GRAMD4: variants seen among roughly 807,000 people sequenced by gnomAD.
GRAMD4 encodes GRAM domain-containing protein 4.
Under a neutral mutation model 83.9 loss-of-function variants are expected in GRAMD4, and 25 were observed. That is an observed-to-expected ratio of 0.30 (90% confidence interval 0.22 to 0.42). The LOEUF is 0.42. Among genes scored for constraint, GRAMD4 ranks in the 10% least tolerant of loss-of-function variants. The pLI is 1.00. For synonymous variants in GRAMD4, 336 were observed against 320.9 expected (o/e 1.05, Z -0.50); for missense variants, 593 against 788.7 (o/e 0.75, Z 2.97).
At chr22:46,644,714 T>G (rs1368387273) in intron 3 of GRAMD4, among the ~76,000 whole-genome samples, 6 of 64,224 alleles carry the variant, frequency 9.3e-5, no homozygotes, top group Middle Eastern at 8.9e-3. Flanking sequence ...TTTTTTTTTT[T>G]TTTTTTTTTT....
chr22:46,627,885 C>T (rs2081693579), intron 2 of GRAMD4, among the ~76,000 whole-genome samples: 1 of 152,272 alleles, frequency 6.6e-6, no homozygotes. Flanking sequence ...GGCATCACTA[C>T]AGACCACAGA....
chr22:46,626,043 G>T (rs1455022483), intron 1 of GRAMD4, among the ~76,000 whole-genome samples: 2 of 152,252 alleles, frequency 1.3e-5, no homozygotes, highest in Non-Finnish European at 2.9e-5. Flanking sequence ...CTGGGAGGTG[G>T]TGCGATCTGA....
At chr22:46,658,048 G>T (rs1159635963) in intron 3 of GRAMD4, 139 bp from the exon 4 acceptor site, 2 of 1,011,584 alleles carry the variant, frequency 2.0e-6, no homozygotes, top group African/African-American at 3.2e-5. Flanking sequence ...GCACCCTGGA[G>T]GAAGGTCAGG....
At chr22:46,603,577 C>T (rs1159226881) in intron 1 of GRAMD4, among the ~76,000 whole-genome samples, 102 of 133,530 alleles carry the variant, frequency 7.6e-4, no homozygotes, top group Middle Eastern at 5.2e-3. Context: ...AGTGCAGTGG[C>T]GCGATCCTGG....
chr22:46,650,554 G>T lies in GRAMD4; in HGVS notation c.284-7633G>T, dbSNP rs890911193. Reference sequence around the variant, plus strand: ...CGTGGCCGTTCACTCATCAGAGAACGTTCTGGGGGTTGCCCCGGAGTGACC... The same window carrying T: ...CGTGGCCGTTCACTCATCAGAGAACTTTCTGGGGGTTGCCCCGGAGTGACC... On this transcript the variant is annotated intron_variant, in intron 3 of 18. Transcript: ENST00000406902. 3.9e-5 allele frequency among the ~76,000 whole-genome samples: 6 copies of T among 152,350 alleles called. No homozygotes were observed. The South Asian group carries it at 1.2e-3, about 32-fold the overall frequency.
chr22:46,620,688 G>A lies in GRAMD4; in HGVS notation c.-50+123G>A, dbSNP rs2081561199. On this transcript the variant is annotated intron_variant, in intron 1 of 18. Transcript: ENST00000406902. The surrounding 1 kb of genome is among the most constrained non-coding windows in gnomAD (Gnocchi z 4.7). ...CCCAGCTACCACGTGCTCTTCTGGA[G>A]CCATCTTGATCTTGAAAGGCAGGCT... The A allele has an allele frequency of 4.3e-6, 1 of 229,966 alleles. No homozygotes were observed. The highest frequency in any genetic ancestry group is 7.2e-6 in the Non-Finnish European group (1 of 138,702). The allele number at this position is 229,966 out of a possible 1,614,324, so 14.2% of individuals were successfully genotyped here.
intron 15 of GRAMD4, 89 bp downstream of exon 15, chr22:46,673,903 G>A (rs529728151): frequency 1.0e-5 from 15 of 1,430,192 alleles, no homozygotes; most frequent in South Asian, 6.0e-5. Context: ...GGACGGGGTC[G>A]CCCTGTGACA....
intron 2 of GRAMD4, among the ~76,000 whole-genome samples, chr22:46,637,403 C>T (rs374914596): frequency 9.3e-4 from 141 of 152,228 alleles, no homozygotes; most frequent in African/African-American, 3.3e-3. Flanking sequence ...CAGGTGCCCG[C>T]CACTGCGCCT....
At chr22:46,673,973 C>T (rs1185750119) in intron 15 of GRAMD4, among the ~76,000 whole-genome samples, 159 bp downstream of exon 15, 1 of 152,198 alleles carries the variant, frequency 6.6e-6, no homozygotes, top group Non-Finnish European at 1.5e-5. Flanking sequence ...AGTGCAGGAG[C>T]CAGGGGTCAT....
chr22:46,595,640 G>A (rs1235609802), intron 1 of GRAMD4, among the ~76,000 whole-genome samples: 1 of 152,146 alleles, frequency 6.6e-6, no homozygotes, highest in South Asian at 2.1e-4. Context: ...CCCTCTGAGC[G>A]TCACCCCTCC....
At chr22:46,667,987 G>A in intron 10 of GRAMD4, 109 bp from the exon 11 acceptor site, 1 of 745,146 alleles carries the variant, frequency 1.3e-6, no homozygotes, top group Non-Finnish European at 2.3e-6. Context: ...CCCTGGCTGT[G>A]TGGGGACAGC....
At chr22:46,646,858 C>G (rs539100367) in intron 3 of GRAMD4, among the ~76,000 whole-genome samples, 2 of 152,294 alleles carry the variant, frequency 1.3e-5, no homozygotes, top group African/African-American at 4.8e-5. Flanking sequence ...GGAGGCCTCA[C>G]AATCATGGCG....
chr22:46,585,616 GGTGCTGGCCTCTTATCACCT>G (rs1476641880), intron 1 of GRAMD4, among the ~76,000 whole-genome samples: 1 of 152,246 alleles, frequency 6.6e-6, no homozygotes, highest in Non-Finnish European at 1.5e-5. Flanking sequence ...TCCCATGAGG[GGTGCTGGCCTCTTATCACCT>G]GTCCGGGGCA....
chr22:46,656,204 C>T (rs991094916), intron 3 of GRAMD4, among the ~76,000 whole-genome samples: 2 of 152,236 alleles, frequency 1.3e-5, no homozygotes, highest in African/African-American at 2.4e-5. Context: ...CTCCAGCACC[C>T]ACACTGGGCA....
rs780851458 is a variant in GRAMD4 at position 46,626,910 on chromosome 22, C to A, written c.111C>A (p.Pro37=). 1 of 1,614,182 alleles carries A rather than the reference C, an allele frequency of 6.2e-7. No individual in the cohort carries two copies. Among genetic ancestry groups the A allele is most frequent in the South Asian group, 1.1e-5 (1 of 91,082 alleles). The change falls in exon 2 of 19, where the codon CCC becomes CCA. Residue 37 remains proline (P), a synonymous_variant. Transcript: ENST00000406902. The part of the protein sequence containing the change: ...ASDTECSDEI[P]LKVPRTSPRD... ...ACACCGAATGCAGCGACGAAATCCC[C>A]CTGAAGGTACCGCGGACCTCGCCCC...
intron 3 of GRAMD4, among the ~76,000 whole-genome samples, chr22:46,641,766 C>T (rs1357712982): frequency 6.6e-6 from 1 of 152,158 alleles, no homozygotes; most frequent in African/African-American, 2.4e-5. Flanking sequence ...TTGCTCAGAG[C>T]CATCATTTCA....
At position 46,677,423 on chromosome 22, in the gene GRAMD4, G is replaced by T; in HGVS notation, c.*172G>T. On this transcript the variant is annotated 3_prime_UTR_variant, in exon 19 of 19. Coordinates refer to ENST00000406902, the MANE Select transcript of GRAMD4 (RefSeq NM_015124.5). ...CTCTGCGTTTTATCGACCAAGAAGG[G>T]GCCAGGGCTCACAGGGACGGGGGTG... 7.3e-7 allele frequency: 1 copy of T among 1,367,612 alleles called. No individual in the cohort carries two copies. Among genetic ancestry groups the T allele is most frequent in the South Asian group, 1.8e-5 (1 of 55,270 alleles). The allele number at this position is 1,367,612 out of a possible 1,614,324, so 84.7% of individuals were successfully genotyped here.
At position 46,608,692 on chromosome 22, in the gene GRAMD4, T is replaced by G. The variant is rs1053127684; in HGVS notation, c.-49-18059T>G. Among the ~76,000 whole-genome samples, 4 of 152,154 alleles carry G rather than the reference T, an allele frequency of 2.6e-5. No homozygotes were observed. The South Asian group carries it at 6.2e-4, about 24-fold the overall frequency. ...GAAATTCCGTATCAAAATGTGTGTGTGTGCGTAGCTGGCCAATATATATAT... is the reference window on the plus strand; with the variant it reads ...GAAATTCCGTATCAAAATGTGTGTGGGTGCGTAGCTGGCCAATATATATAT... On this transcript the variant is annotated intron_variant, in intron 1 of 1. Coordinates refer to the GRAMD4 transcript ENST00000431155.
In GRAMD4 at chr22:46,583,170, C is replaced by T. The variant is rs188883807; in HGVS notation, c.-50+5880C>T. Among the ~76,000 whole-genome samples, 309 of 152,326 alleles carry T rather than the reference C, an allele frequency of 2.0e-3. 1 individual carries two copies. The highest frequency in any genetic ancestry group is 7.0e-3 in the African/African-American group (291 of 41,568). ...AATTCCTGACCTTAGGTGATCCATTCGCTTCGGTCTCTCAAAGTGCTGGGA... is the reference window on the plus strand; with the variant it reads ...AATTCCTGACCTTAGGTGATCCATTTGCTTCGGTCTCTCAAAGTGCTGGGA... On this transcript the variant is annotated intron_variant, in intron 1 of 1. Transcript: ENST00000431155.
Sources: gnomAD v4.1 joint callset for allele counts (sites outside exome capture counted in the v4.1 genomes callset) on GRCh38, gnomAD v4.1.1 for gene constraint, Gnocchi (gnomAD v3.1) non-coding constraint, MANE v1.5 for transcripts, NCBI Gene and HGNC (gene_info 2026-07-23, HGNC 2026-07-21) for gene names.